PHACTR3: variants seen among roughly 807,000 people sequenced by gnomAD.
The protein encoded by PHACTR3 is protein phosphatase 1, regulatory subunit 123.
PHACTR3 carries 16 observed loss-of-function variants against 66.8 expected under a neutral mutation model. The observed-to-expected ratio is 0.24, with a 90% CI of 0.16 to 0.36. PHACTR3 has a LOEUF of 0.36. Among genes scored for constraint, PHACTR3 ranks in the 10% least tolerant of loss-of-function variants. The probability of loss-of-function intolerance (pLI) is 1.00; values close to 1 mark genes in which losing one functional copy is unlikely to be tolerated. For synonymous variants in PHACTR3, 323 were observed against 292.1 expected (o/e 1.11, Z -1.08); for missense variants, 647 against 719.9 (o/e 0.90, Z 1.16).
At position 59,829,006 on chromosome 20, in the gene PHACTR3, G is replaced by A. The variant is rs1431129737; in HGVS notation, c.1329-7499G>A. ...ACCCAGCAGACTTGGAGCTTCCTGGGGTGTTGGACGTAGGGAGTAAGAGGA... is the reference window on the plus strand; with the variant it reads ...ACCCAGCAGACTTGGAGCTTCCTGGAGTGTTGGACGTAGGGAGTAAGAGGA... On this transcript the variant is annotated intron_variant, in intron 8 of 12. Coordinates refer to ENST00000371015, the MANE Select transcript of PHACTR3 (RefSeq NM_080672.5). This position sits in a 1 kb window ranked among gnomAD's most constrained non-coding sequence, Gnocchi z 4.2. 6.6e-6 allele frequency among the ~76,000 whole-genome samples: 1 copy of A among 152,024 alleles called. No homozygotes were observed. The highest frequency in any genetic ancestry group is 1.9e-4 in the East Asian group (1 of 5,160).
At chr20:59,594,773 T>C (rs1400716919) in intron 1 of PHACTR3, among the ~76,000 whole-genome samples, 2 of 152,212 alleles carry the variant, frequency 1.3e-5, no homozygotes, top group Non-Finnish European at 2.9e-5. Context: ...ATTGATTTTC[T>C]ATTTTGAATT....
Position 59,616,534 on chromosome 20 carries a change from C to T in PHACTR3, c.118+11402C>T, listed in dbSNP as rs143516218. 1.1e-4 allele frequency among the ~76,000 whole-genome samples: 16 copies of T among 152,324 alleles called. No individual in the cohort carries two copies. In the South Asian group the frequency reaches 2.5e-3, roughly 24 times the overall value. Reference sequence around the variant, plus strand: ...ATGCACCGGGAAGCTCCGCTCAAGGCGTTGCCCCCTGATTTCCTAGTGGGG... The same window carrying T: ...ATGCACCGGGAAGCTCCGCTCAAGGTGTTGCCCCCTGATTTCCTAGTGGGG... On this transcript the variant is annotated intron_variant, in intron 1 of 12. Transcript: ENST00000371015.
chr20:59,815,821 G>A (rs6070958), intron 8 of PHACTR3, among the ~76,000 whole-genome samples: 1 of 152,072 alleles, frequency 6.6e-6, no homozygotes, highest in Non-Finnish European at 1.5e-5. Context: ...AACTGGATGA[G>A]AGTTTTAAGC....
intron 1 of PHACTR3, among the ~76,000 whole-genome samples, chr20:59,684,672 C>T (rs953095344): frequency 5.9e-5 from 9 of 152,324 alleles, no homozygotes; most frequent in Admixed American, 3.3e-4. Context: ...CCCTCCACAA[C>T]CTCACCCGCA....
chr20:59,650,093 T>C (rs1340784478), intron 1 of PHACTR3, among the ~76,000 whole-genome samples: 1 of 152,184 alleles, frequency 6.6e-6, no homozygotes, highest in Admixed American at 6.5e-5. Context: ...TGGTCATATT[T>C]TCTATGACAG....
intron 1 of PHACTR3, among the ~76,000 whole-genome samples, chr20:59,622,996 A>AAAAAAAAAAAAAAAAAAAC (rs1568940612): frequency 4.1e-5 from 6 of 146,432 alleles, no homozygotes; most frequent in African/African-American, 1.3e-4. Context: ...AAAAAAAAAA[A>AAAAAAAAAAAAAAAAAAAC]AAAAACCCAA....
intron 9 of PHACTR3, among the ~76,000 whole-genome samples, chr20:59,839,011 C>T (rs78242523): frequency 0.019 from 2,864 of 150,304 alleles, 40 homozygotes; most frequent in Middle Eastern, 0.058. Context: ...TGGTGACCTT[C>T]GTAGTAATTA....
chr20:59,616,571 A>T (rs1772716646), intron 1 of PHACTR3, among the ~76,000 whole-genome samples: 1 of 152,178 alleles, frequency 6.6e-6, no homozygotes, highest in African/African-American at 2.4e-5. Context: ...AGCTGGCTTG[A>T]GGCAGTCAGA....
At chr20:59,675,605 A>T (rs6128661) in intron 1 of PHACTR3, among the ~76,000 whole-genome samples, 76,360 of 151,984 alleles carry the variant, frequency 0.5, 21,101 homozygotes, top group African/African-American at 0.73. Flanking sequence ...TGCCAGCAGC[A>T]CTTCTTTCTT....
chr20:59,593,507 G>T (rs1407706536), intron 1 of PHACTR3, among the ~76,000 whole-genome samples: 2 of 151,252 alleles, frequency 1.3e-5, no homozygotes, highest in African/African-American at 4.9e-5. Context: ...TTTTAATGAA[G>T]TCCAGTATAT....
chr20:59,698,391 C>G (rs1231550469), intron 1 of PHACTR3, among the ~76,000 whole-genome samples: 4 of 151,798 alleles, frequency 2.6e-5, no homozygotes, highest in Admixed American at 2.0e-4. Flanking sequence ...AGACACATAC[C>G]AAATCTCTGA....
chr20:59,819,011 C>A (rs561617027), intron 8 of PHACTR3, among the ~76,000 whole-genome samples: 1 of 152,310 alleles, frequency 6.6e-6, no homozygotes, highest in East Asian at 1.9e-4. Flanking sequence ...ATCCCCTTGA[C>A]GTCTGGGGGC....
At chr20:59,711,509 G>T (rs1182293901) in intron 1 of PHACTR3, among the ~76,000 whole-genome samples, 1 of 152,124 alleles carries the variant, frequency 6.6e-6, no homozygotes, top group Non-Finnish European at 1.5e-5. Context: ...TCAACTTACA[G>T]TAGGGTTTTG....
chr20:59,680,607 A>G (rs1026566154), intron 1 of PHACTR3, among the ~76,000 whole-genome samples: 1 of 152,170 alleles, frequency 6.6e-6, no homozygotes, highest in Non-Finnish European at 1.5e-5. Context: ...GCAGCCCAGG[A>G]TGGCTTTGAA....
At chr20:59,601,483 T>C (rs1280721979), upstream of PHACTR3, among the ~76,000 whole-genome samples, 1 of 152,220 alleles carries the variant, frequency 6.6e-6, no homozygotes, top group Non-Finnish European at 1.5e-5. Context: ...GGGATCTTGT[T>C]CAGGAGGGAC....
In PHACTR3 at chr20:59,748,060, C is replaced by G. The variant is rs556905265; in HGVS notation, c.358+225C>G. ...CCATTACTGAGCTGAAGAGCTCCCC[C>G]TCATGGCACCACTCCTCTCTGGGGA... On this transcript the variant is annotated intron_variant, in intron 3 of 12. Transcript: ENST00000371015. Among the ~76,000 whole-genome samples the G allele has an allele frequency of 1.2e-4, 19 of 152,352 alleles. No homozygotes were observed. The East Asian group carries it at 1.7e-3, about 14-fold the overall frequency.
intron 1 of PHACTR3, among the ~76,000 whole-genome samples, chr20:59,716,789 C>T (rs1441145249): frequency 1.3e-5 from 2 of 152,196 alleles, no homozygotes; most frequent in Non-Finnish European, 2.9e-5. Flanking sequence ...CTCTTCTACT[C>T]ACCAATGATA....
chr20:59,705,066 C>T (rs190584451), intron 1 of PHACTR3, among the ~76,000 whole-genome samples: 91 of 151,872 alleles, frequency 6.0e-4, no homozygotes, highest in African/African-American at 2.1e-3. Flanking sequence ...AAGCAATTCT[C>T]CTGCCTCAGC....
chr20:59,696,884 G>A (rs1055354197), intron 1 of PHACTR3, among the ~76,000 whole-genome samples: 2 of 152,210 alleles, frequency 1.3e-5, no homozygotes, highest in Non-Finnish European at 2.9e-5. Flanking sequence ...GGGACTTTGA[G>A]ACAGTCCACG....
Sources: allele counts gnomAD v4.1 joint callset (sites outside exome capture counted in the v4.1 genomes callset), GRCh38; gene constraint gnomAD v4.1.1; non-coding constraint Gnocchi (gnomAD v3.1); transcripts MANE v1.5; gene names NCBI Gene and HGNC (gene_info 2026-07-23, HGNC 2026-07-21).